The following ZNF462 variants were observed in gnomAD, a reference collection of about 807,000 sequenced individuals.
ZNF462 encodes zinc finger protein 462, also known as zinc finger PBX1-interacting protein.
Under a neutral mutation model 201.9 loss-of-function variants are expected in ZNF462, and 10 were observed. The ratio of observed to expected loss-of-function variants is 0.05; its 90% CI spans 0.03 to 0.08. The LOEUF is 0.08. Among genes scored for constraint, ZNF462 ranks in the 10% least tolerant of loss-of-function variants. The pLI is 1.00. For synonymous variants in ZNF462, 1,227 were observed against 1,193.3 expected, an observed-to-expected ratio of 1.03 and a Z score of -0.58; for missense variants, 2,523 against 3,168.3, an observed-to-expected ratio of 0.80 and a Z score of 4.89.
rs796512633 is a variant in ZNF462 at position 106,892,299 on chromosome 9, A to G, written c.-31+28944A>G. Reference sequence around the variant, plus strand: ...CCTGGCATCCATTTAACGAAAGTGCAACTCAGAAGATTAGGTAGCTATATA... The same window carrying G: ...CCTGGCATCCATTTAACGAAAGTGCGACTCAGAAGATTAGGTAGCTATATA... On this transcript the variant is annotated intron_variant, in intron 1 of 12. Transcript: ENST00000277225. 2.0e-5 allele frequency among the ~76,000 whole-genome samples: 3 copies of G among 152,330 alleles called. No individual in the cohort carries two copies. In the South Asian group the frequency reaches 6.2e-4, roughly 32 times the overall value.
At chr9:106,921,013 T>C (rs1437975511) in intron 1 of ZNF462, among the ~76,000 whole-genome samples, 1 of 152,152 alleles carries the variant, frequency 6.6e-6, no homozygotes. Context: ...CTACAGCCTT[T>C]GTGTTGAAGG....
At chr9:106,904,070 T>G (rs1287767788) in intron 1 of ZNF462, among the ~76,000 whole-genome samples, 1 of 152,170 alleles carries the variant, frequency 6.6e-6, no homozygotes, top group Non-Finnish European at 1.5e-5. Flanking sequence ...TTTGATGTGT[T>G]TCCAGGGTTT....
chr9:107,001,166 C>T (rs2132609068), intron 10 of ZNF462, among the ~76,000 whole-genome samples: 1 of 152,232 alleles, frequency 6.6e-6, no homozygotes, highest in African/African-American at 2.4e-5. Flanking sequence ...CTTAAAAATA[C>T]TTCTCTTCAA....
At chr9:106,931,704 T>TTAA (rs1170713893) in intron 4 of ZNF462, among the ~76,000 whole-genome samples, 2 of 152,120 alleles carry the variant, frequency 1.3e-5, no homozygotes, top group Non-Finnish European at 1.5e-5. Context: ...GAAAAACAGG[T>TTAA]GACTTAAAAC....
Position 106,925,167 on chromosome 9 carries a change from T to G in ZNF462, c.1255T>G (p.Ser419Ala), listed in dbSNP as rs371074841. 3 of 1,614,072 alleles carry G rather than the reference T, an allele frequency of 1.9e-6. No homozygotes were observed. The highest frequency in any genetic ancestry group is 2.7e-5 in the African/African-American group (2 of 74,912). ...CCTGTCTGCAGAGCAGCTGATGGGC[T>G]CAGATGGCAACAAATTATTGGAGAC... Reference protein sequence around the residue: ...SGLSAEQLMGSDGNKLLETKG... With the variant: ...SGLSAEQLMGADGNKLLETKG... The change falls in exon 3 of 13, where the codon TCA becomes GCA. Residue 419 changes from serine (S) to alanine (A), a missense_variant. Coordinates refer to ENST00000277225, the MANE Select transcript of ZNF462 (RefSeq NM_021224.6). The surrounding 1 kb of genome is among the most constrained non-coding windows in gnomAD (Gnocchi z 7.9).
Position 106,924,348 on chromosome 9 carries a change from G to A in ZNF462, c.436G>A (p.Gly146Arg). The A allele has an allele frequency of 6.2e-7, 1 of 1,614,072 alleles. No homozygotes were observed. Among genetic ancestry groups the A allele is most frequent in the Non-Finnish European group, 8.5e-7 (1 of 1,180,022 alleles). The change falls in exon 3 of 13, where the codon GGA becomes AGA. Residue 146 changes from glycine to arginine, a missense_variant. Transcript: ENST00000277225. This position sits in a 1 kb window ranked among gnomAD's most constrained non-coding sequence, Gnocchi z 6.2. ...EGSSSGPPVP[G>R]SLNYNIMMHE... ...GAGTTCATCAGGACCCCCTGTCCCG[G>A]GATCCTTAAATTATAATATCATGAT... is the stretch of plus-strand genomic sequence containing the variant.
At position 106,933,759 on chromosome 9, in the gene ZNF462, A is replaced by G. The variant is rs1384528984; in HGVS notation, c.6116+1210A>G. Among the ~76,000 whole-genome samples the G allele has an allele frequency of 6.6e-6, 1 of 152,228 alleles. No individual in the cohort carries two copies. The highest frequency in any genetic ancestry group is 1.5e-5 in the Non-Finnish European group (1 of 68,046). ...TACATCAGCTTTGGAAGAGTCAGGA[A>G]GGTTTTATGGCATAAGGAGCATTTG... On this transcript the variant is annotated intron_variant, in intron 5 of 12. Coordinates refer to ENST00000277225, the MANE Select transcript of ZNF462 (RefSeq NM_021224.6). This position sits in a 1 kb window ranked among gnomAD's most constrained non-coding sequence, Gnocchi z 4.3.
rs1829888000 is a variant in ZNF462, at chr9:107,010,752, AT to A, written c.7314-69del. The stretch of plus-strand genomic sequence containing the variant: ...AAAATAAAGACACTCGAGGGTTTTT[AT>A]TATTTTTTTGTTTAAAAAGAGAAAT... On this transcript the variant is annotated intron_variant, in intron 12 of 12. Coordinates refer to ENST00000277225, the MANE Select transcript of ZNF462 (RefSeq NM_021224.6). This position sits in a 1 kb window ranked among gnomAD's most constrained non-coding sequence, Gnocchi z 4.6. 7.2e-7 allele frequency: 1 copy of A among 1,392,050 alleles called. No homozygotes were observed. Among genetic ancestry groups the A allele is most frequent in the African/African-American group, 1.5e-5 (1 of 68,146 alleles). The allele number at this position is 1,392,050 out of a possible 1,614,324, so 86.2% of individuals were successfully genotyped here.
At chr9:106,882,573 A>T (rs995612280) in intron 1 of ZNF462, among the ~76,000 whole-genome samples, 1 of 152,220 alleles carries the variant, frequency 6.6e-6, no homozygotes, top group African/African-American at 2.4e-5. Flanking sequence ...AGCCAAGGAA[A>T]ATTTGTTTGT....
At chr9:106,871,133 G>A (rs1827572343) in intron 1 of ZNF462, among the ~76,000 whole-genome samples, 1 of 152,166 alleles carries the variant, frequency 6.6e-6, no homozygotes, top group African/African-American at 2.4e-5. Flanking sequence ...CTTGAAAGAT[G>A]TTTGCTGCAC....
rs1828514550 is a variant in ZNF462, at chr9:106,890,214, C to T, written c.-31+26859C>T. Among the ~76,000 whole-genome samples, 1 of 152,228 alleles carries T rather than the reference C, an allele frequency of 6.6e-6. No homozygotes were observed. The highest frequency in any genetic ancestry group is 2.4e-5 in the African/African-American group (1 of 41,458). On this transcript the variant is annotated intron_variant, in intron 1 of 12. Transcript: ENST00000277225. The surrounding 1 kb of genome is among the most constrained non-coding windows in gnomAD (Gnocchi z 4.2). ...AAAACTATATGTGAGAATTTCGTGG[C>T]CTTGACTGAGCTGTGTATGGCCTCA...
intron 1 of ZNF462, among the ~76,000 whole-genome samples, chr9:106,918,937 TG>T (rs1233208368): frequency 7.2e-5 from 11 of 152,240 alleles, no homozygotes; most frequent in African/African-American, 2.7e-4. Flanking sequence ...GGAAGTTTAG[TG>T]TCTTATAAAT....
At chr9:106,986,466 G>T (rs1266683379) in intron 10 of ZNF462, among the ~76,000 whole-genome samples, 1 of 152,092 alleles carries the variant, frequency 6.6e-6, no homozygotes, top group Non-Finnish European at 1.5e-5. Flanking sequence ...TCCACTTTGA[G>T]ACCCAATACA....
intron 7 of ZNF462, among the ~76,000 whole-genome samples, chr9:106,952,308 T>TA (rs1346928659): frequency 1.3e-5 from 2 of 152,222 alleles, no homozygotes; most frequent in Admixed American, 1.3e-4. Context: ...TCAAATGAGA[T>TA]AACACAATGG....
rs988870469 is a variant in ZNF462 at position 106,950,830 on chromosome 9, C to T, written c.6427+11723C>T. On this transcript the variant is annotated intron_variant, in intron 7 of 12. Coordinates refer to ENST00000277225, the MANE Select transcript of ZNF462 (RefSeq NM_021224.6). The surrounding 1 kb of genome is among the most constrained non-coding windows in gnomAD (Gnocchi z 4.1). ...TCAGGCCAGGCGTGGTGGCTCGCACCTGTAATCTCAGCACTTTGGGAGGCC... is the reference window on the plus strand; with the variant it reads ...TCAGGCCAGGCGTGGTGGCTCGCACTTGTAATCTCAGCACTTTGGGAGGCC... 1.3e-5 allele frequency among the ~76,000 whole-genome samples: 2 copies of T among 152,144 alleles called. No individual in the cohort carries two copies. The highest frequency in any genetic ancestry group is 4.8e-5 in the African/African-American group (2 of 41,426).
chr9:106,998,552 C>T (rs2132550246), intron 10 of ZNF462, among the ~76,000 whole-genome samples: 2 of 152,118 alleles, frequency 1.3e-5, no homozygotes, highest in Admixed American at 1.3e-4. Context: ...TTGCAGTGTC[C>T]TCACTTCATT....
Position 106,866,852 on chromosome 9 carries a change from T to C in ZNF462, c.-31+3497T>C, listed in dbSNP as rs117406813. ...AGATAATTTTACATCTAATTAACCA[T>C]GTATGTTTATGTAAACATAAGTACA... is the stretch of plus-strand genomic sequence containing the variant. On this transcript the variant is annotated intron_variant, in intron 1 of 12. Coordinates refer to ENST00000277225, the MANE Select transcript of ZNF462 (RefSeq NM_021224.6). Among the ~76,000 whole-genome samples the C allele has an allele frequency of 5.5e-3, 831 of 152,364 alleles. 8 individuals are homozygous for C. The highest frequency in any genetic ancestry group is 0.024 in the Middle Eastern group (7 of 294).
intron 7 of ZNF462, among the ~76,000 whole-genome samples, chr9:106,952,574 T>A (rs1831399361): frequency 6.6e-6 from 1 of 152,210 alleles, no homozygotes; most frequent in Non-Finnish European, 1.5e-5. Context: ...TAAATTTATC[T>A]GAACTTCAGG....
chr9:106,940,660 C>T (rs924660023), intron 7 of ZNF462, among the ~76,000 whole-genome samples: 3 of 152,114 alleles, frequency 2.0e-5, no homozygotes, highest in Non-Finnish European at 2.9e-5. Flanking sequence ...ACAAAGAAGG[C>T]TTGTTATGAT....
Sources: gnomAD v4.1 joint callset for allele counts (sites outside exome capture counted in the v4.1 genomes callset) on GRCh38, gnomAD v4.1.1 for gene constraint, Gnocchi (gnomAD v3.1) non-coding constraint, MANE v1.5 for transcripts, NCBI Gene and HGNC (gene_info 2026-07-23, HGNC 2026-07-21) for gene names.